Variants in FBLN1 observed in about 807,000 individuals in gnomAD.
FBLN1 encodes fibulin-1.
A neutral mutation model predicts 89.7 loss-of-function variants in FBLN1; 34 were observed. The observed-to-expected ratio is 0.38, with a 90% CI of 0.29 to 0.50. The LOEUF (loss-of-function observed/expected upper bound fraction) is 0.50. FBLN1 is among the 20% of genes least tolerant of loss of function. The pLI, the probability that FBLN1 is intolerant of heterozygous loss-of-function variation, is 0.92. For missense variants in FBLN1, 777 were observed against 988.1 expected, an observed-to-expected ratio of 0.79 and a Z score of 2.86; for synonymous variants, 393 against 391.3, an observed-to-expected ratio of 1.00 and a Z score of -0.05.
chr22:45,518,600 C>T lies in FBLN1; in HGVS notation c.80-82C>T, dbSNP rs80043654. 1.7e-3 allele frequency: 1,658 copies of T among 973,778 alleles called. 12 individuals carry two copies. The East Asian group carries it at 0.017, about 10-fold the overall frequency. The allele number at this position is 973,778 out of a possible 1,614,324, so 60.3% of individuals were successfully genotyped here. ...GCTGTCGTCAAGACAGAAGGACGTG[C>T]GTGTCCTGGTGGTGCATCTGGGAGG... is the stretch of plus-strand genomic sequence containing the variant. On this transcript the variant is annotated intron_variant, in intron 1 of 16. Transcript: ENST00000327858.
rs2088867440 is a variant in FBLN1, at chr22:45,563,038, C to T, written c.1698-11473C>T. 6.2e-7 allele frequency: 1 copy of T among 1,613,384 alleles called. No individual in the cohort carries two copies. Among genetic ancestry groups the T allele is most frequent in the Non-Finnish European group, 8.5e-7 (1 of 1,180,016 alleles). On this transcript the variant is annotated intron_variant, in intron 14 of 16. Coordinates refer to ENST00000327858, the MANE Select transcript of FBLN1 (RefSeq NM_006486.3). The surrounding 1 kb of genome is among the most constrained non-coding windows in gnomAD (Gnocchi z 5.7). ...CCGCGGTGGTTTTCCGCATGGGCCC[C>T]TCCAGTGCTGTCCCCGGGGACAGCA...
rs1205121532 is a variant in FBLN1, at chr22:45,580,893, C to T, written c.1972+3785C>T. 3.3e-5 allele frequency among the ~76,000 whole-genome samples: 5 copies of T among 152,242 alleles called. No homozygotes were observed. The highest frequency in any genetic ancestry group is 7.2e-5 in the African/African-American group (3 of 41,456). On this transcript the variant is annotated intron_variant, in intron 16 of 16. Coordinates refer to ENST00000327858, the MANE Select transcript of FBLN1 (RefSeq NM_006486.3). The surrounding 1 kb of genome is among the most constrained non-coding windows in gnomAD (Gnocchi z 8.6). ...CGTTCTTAGCGGGGATCGAGGAGCCCGCAGCAGGGCCCGCGCCGTCGTCTT... is the reference window on the plus strand; with the variant it reads ...CGTTCTTAGCGGGGATCGAGGAGCCTGCAGCAGGGCCCGCGCCGTCGTCTT...
In FBLN1 at chr22:45,534,292, C is replaced by CAAAAAAAAAAAAAAAAAAAAAAAA. The variant is rs136746; in HGVS notation, c.784+399_784+422dup. 4.8e-5 allele frequency among the ~76,000 whole-genome samples: 4 copies of CAAAAAAAAAAAAAAAAAAAAAAAA among 83,230 alleles called. 1 individual carries two copies. Among genetic ancestry groups the CAAAAAAAAAAAAAAAAAAAAAAAA allele is most frequent in the Admixed American group, 1.6e-4 (1 of 6,150 alleles). 54.6% of individuals were successfully genotyped at this position (83,230 alleles called of 152,430 possible). On this transcript the variant is annotated intron_variant, in intron 7 of 16. Transcript: ENST00000327858. ...TTCAGGTTCTCACATGTACTTTCTACAAAAAAAAAAAAAAAAAAAAAAAAA... is the reference window on the plus strand; with the variant it reads ...TTCAGGTTCTCACATGTACTTTCTACAAAAAAAAAAAAAAAAAAAAAAAAAAAAAAAAAAAAAAAAAAAAAAAAA...
At chr22:45,503,185 C>A in intron 1 of FBLN1, 121 bp downstream of exon 1, 1 of 386,902 alleles carries the variant, frequency 2.6e-6, no homozygotes, top group African/African-American at 2.2e-5. Flanking sequence ...GCGGCGCCCC[C>A]GGACTGTCAG....
intron 9 of FBLN1, among the ~76,000 whole-genome samples, chr22:45,541,775 T>C (rs2088559273): frequency 1.3e-5 from 2 of 152,262 alleles, no homozygotes; most frequent in South Asian, 4.1e-4. Flanking sequence ...TGTGGGTGTT[T>C]GCTCTCACGT....
chr22:45,514,726 T>G (rs1490299231), intron 1 of FBLN1, among the ~76,000 whole-genome samples: 5 of 152,140 alleles, frequency 3.3e-5, no homozygotes, highest in African/African-American at 1.2e-4. Context: ...TACTGAGCCG[T>G]GACGTTTGTG....
chr22:45,558,617 C>A (rs1363711647), intron 14 of FBLN1: 1 of 152,730 alleles, frequency 6.5e-6, no homozygotes, highest in Non-Finnish European at 1.5e-5. Context: ...TGTTCTGGAC[C>A]CCACTCAAAA....
chr22:45,571,834 TA>T (rs1296547690), intron 14 of FBLN1, among the ~76,000 whole-genome samples: 1 of 151,990 alleles, frequency 6.6e-6, no homozygotes, highest in Non-Finnish European at 1.5e-5. Flanking sequence ...CATTTCTCAC[TA>T]AAAAACAAAA....
At chr22:45,555,558 G>C (rs2088778178) in intron 14 of FBLN1, among the ~76,000 whole-genome samples, 1 of 152,100 alleles carries the variant, frequency 6.6e-6, no homozygotes, top group African/African-American at 2.4e-5. Context: ...CAGCTGATTA[G>C]TTGGTGCCCA....
intron 16 of FBLN1, among the ~76,000 whole-genome samples, chr22:45,585,117 G>GAT (rs962858749): frequency 6.6e-6 from 1 of 152,240 alleles, no homozygotes; most frequent in African/African-American, 2.4e-5. Context: ...GTCTGAGAGA[G>GAT]AGAGAGAAGT....
At chr22:45,568,708 AG>A (rs773691933) in intron 14 of FBLN1, among the ~76,000 whole-genome samples, 1 of 32,980 alleles carries the variant, frequency 3.0e-5, no homozygotes, top group Admixed American at 2.7e-4. Flanking sequence ...TCTGTAGGGG[AG>A]TGCTCCTTCT....
At chr22:45,589,736 C>CCT (rs1271638379) in intron 16 of FBLN1, among the ~76,000 whole-genome samples, 2 of 152,152 alleles carry the variant, frequency 1.3e-5, no homozygotes, top group African/African-American at 4.8e-5. Flanking sequence ...CTCTCATCAG[C>CCT]CTCTCCCCTA....
rs1249310756 is a variant in FBLN1, at chr22:45,502,883, G to T, written c.-103G>T. 2 of 366,966 alleles carry T rather than the reference G, an allele frequency of 5.5e-6. No individual in the cohort carries two copies. Among genetic ancestry groups the T allele is most frequent in the Non-Finnish European group, 7.7e-6 (2 of 259,544 alleles). 22.7% of individuals were successfully genotyped at this position (366,966 alleles called of 1,614,324 possible). A position where few individuals can be genotyped will look rare whatever the true frequency, so the allele number is the denominator to read the frequency against. On this transcript the variant is annotated 5_prime_UTR_variant, in exon 1 of 17. Transcript: ENST00000327858. ...TTGAACGGCGCGGCCCTGGCCCAGC[G>T]TTGGCTGCCGAGGCTCGGCCGGAGC...
intron 8 of FBLN1, among the ~76,000 whole-genome samples, chr22:45,538,325 T>C (rs924506407): frequency 6.6e-6 from 1 of 152,274 alleles, no homozygotes; most frequent in Non-Finnish European, 1.5e-5. Flanking sequence ...TCAAAAATTA[T>C]GTATGTCTTG....
chr22:45,566,287 C>T (rs1421741591), intron 14 of FBLN1, among the ~76,000 whole-genome samples: 1 of 152,190 alleles, frequency 6.6e-6, no homozygotes, highest in Non-Finnish European at 1.5e-5. Context: ...CTGCAACATT[C>T]CCACCAAGGG....
rs931735306 is a variant in FBLN1, at chr22:45,536,968, C to T, written c.922+1631C>T. Among the ~76,000 whole-genome samples, 12 of 152,294 alleles carry T rather than the reference C, an allele frequency of 7.9e-5. No homozygotes were observed. Among genetic ancestry groups the T allele is most frequent in the African/African-American group, 2.4e-4 (10 of 41,574 alleles). On this transcript the variant is annotated intron_variant, in intron 8 of 16. Coordinates refer to ENST00000327858, the MANE Select transcript of FBLN1 (RefSeq NM_006486.3). The surrounding 1 kb of genome is among the most constrained non-coding windows in gnomAD (Gnocchi z 5.1). The stretch of plus-strand genomic sequence containing the variant: ...GGAGGTGAGTCCTGCTTTCCCCAGC[C>T]GTTGTCAGGTTAACTGCCTGGCTAG...
At chr22:45,546,745 G>A (rs1176818076) in intron 11 of FBLN1, among the ~76,000 whole-genome samples, 1 of 152,200 alleles carries the variant, frequency 6.6e-6, no homozygotes, top group Non-Finnish European at 1.5e-5. Flanking sequence ...ATGCCATCTT[G>A]GAGGTGAAGT....
chr22:45,565,010 G>T lies in FBLN1; in HGVS notation c.1698-9501G>T, dbSNP rs777870236. 112 of 1,613,148 alleles carry T rather than the reference G, an allele frequency of 6.9e-5. 1 individual carries two copies. The highest frequency in any genetic ancestry group is 8.4e-5 in the Non-Finnish European group (99 of 1,179,774). On this transcript the variant is annotated intron_variant, in intron 14 of 16. Transcript: ENST00000327858. ...ATGCCTAGTGAGGAAGATGGACCTGGACAGACAGTCAGCTCCACACCTTGC... is the reference window on the plus strand; with the variant it reads ...ATGCCTAGTGAGGAAGATGGACCTGTACAGACAGTCAGCTCCACACCTTGC...
rs2089040532 is a variant in FBLN1 at position 45,581,376 on chromosome 22, C to A, written c.1972+4268C>A. ...CCTCAAGACCCAGCATGTGTGTGAC[C>A]ACTTCCAAGAAGCCTCCCCTGACTG... is the stretch of plus-strand genomic sequence containing the variant. On this transcript the variant is annotated intron_variant, in intron 16 of 16. Coordinates refer to ENST00000327858, the MANE Select transcript of FBLN1 (RefSeq NM_006486.3). The surrounding 1 kb of genome is among the most constrained non-coding windows in gnomAD (Gnocchi z 7.6). Among the ~76,000 whole-genome samples, 6 of 151,982 alleles carry A rather than the reference C, an allele frequency of 3.9e-5. No homozygotes were observed. The highest frequency in any genetic ancestry group is 3.9e-4 in the Admixed American group (6 of 15,276).
Sources: gnomAD v4.1 joint callset for allele counts (sites outside exome capture counted in the v4.1 genomes callset) on GRCh38, gnomAD v4.1.1 for gene constraint, Gnocchi (gnomAD v3.1) non-coding constraint, MANE v1.5 for transcripts, NCBI Gene and HGNC (gene_info 2026-07-23, HGNC 2026-07-21) for gene names.